LIN7C: variants seen among roughly 807,000 people sequenced by gnomAD.
The protein encoded by LIN7C is protein lin-7 homolog C.
A neutral mutation model predicts 24.7 loss-of-function variants in LIN7C; 17 were observed. The observed-to-expected ratio is 0.69, with a 90% CI of 0.47 to 1.03. The LOEUF (loss-of-function observed/expected upper bound fraction) is 1.03. LIN7C is among the 50% of genes least tolerant of loss of function. The pLI, the probability that LIN7C is intolerant of heterozygous loss-of-function variation, is 0.00. For synonymous variants in LIN7C, 90 were observed against 83.4 expected (o/e 1.08, Z -0.43); for missense variants, 204 against 239.0 (o/e 0.85, Z 0.97).
At position 27,501,940 on chromosome 11, in the gene LIN7C, CAG is replaced by C. The variant is rs1865230224; in HGVS notation, c.38-22_38-21del. On this transcript the variant is annotated intron_variant, in intron 1 of 4. Transcript: ENST00000278193. ...AAATATCTAGAGTTAAACACACACA[CAG>C]ATAATTTTCTCCAAGGGTTTTCTCA... 6.8e-7 allele frequency: 1 copy of C among 1,460,608 alleles called. No homozygotes were observed. Among genetic ancestry groups the C allele is most frequent in the Admixed American group, 1.7e-5 (1 of 58,372 alleles). 90.5% of individuals were successfully genotyped at this position (1,460,608 alleles called of 1,614,324 possible).
Position 27,494,755 on chromosome 11 carries a change from G to A in LIN7C, c.*3894C>T, listed in dbSNP as rs954617113. 1 of 152,132 alleles carries A rather than the reference G, an allele frequency of 6.6e-6. No individual in the cohort carries two copies. Among genetic ancestry groups the A allele is most frequent in the Non-Finnish European group, 1.5e-5 (1 of 68,012 alleles). 9.4% of individuals were successfully genotyped at this position (152,132 alleles called of 1,614,324 possible). Reference sequence around the variant, plus strand: ...CGAGTCAATACAAATTAGTCTCAAAGTTCTTGAAAATTAATAAGTGATTTT... The same window carrying A: ...CGAGTCAATACAAATTAGTCTCAAAATTCTTGAAAATTAATAAGTGATTTT... On this transcript the variant is annotated 3_prime_UTR_variant, in exon 5 of 5. Coordinates refer to ENST00000278193, the MANE Select transcript of LIN7C (RefSeq NM_018362.4).
chr11:27,495,982 C>G lies in LIN7C; in HGVS notation c.*2667G>C, dbSNP rs1390724446. 1.6e-5 allele frequency: 2 copies of G among 125,624 alleles called. No homozygotes were observed. The highest frequency in any genetic ancestry group is 3.6e-5 in the Non-Finnish European group (2 of 55,812). 7.8% of individuals were successfully genotyped at this position (125,624 alleles called of 1,614,324 possible). On this transcript the variant is annotated 3_prime_UTR_variant, in exon 5 of 5. Coordinates refer to ENST00000278193, the MANE Select transcript of LIN7C (RefSeq NM_018362.4). Reference sequence around the variant, plus strand: ...ATCCTGTCTCTTTTAAAACAAAAAACAAACAAACCAAAAAAAAAACAAAAA... The same window carrying G: ...ATCCTGTCTCTTTTAAAACAAAAAAGAAACAAACCAAAAAAAAAACAAAAA...
At position 27,498,744 on chromosome 11, in the gene LIN7C, C is replaced by A; in HGVS notation, c.499G>T (p.Val167Phe). 6.2e-7 allele frequency: 1 copy of A among 1,613,974 alleles called. No individual in the cohort carries two copies. Among genetic ancestry groups the A allele is most frequent in the Middle Eastern group, 1.6e-4 (1 of 6,062 alleles). Residue 167 changes from valine (V) to phenylalanine (F), a missense_variant, in exon 5 of 5, where the codon GTT becomes TTT. Transcript: ENST00000278193. Reference sequence around the variant, plus strand: ...GGTGTGTATCGTACCACTAATTTAACCTTTCCTTGTGCGGCTTTCAGCAGT... The same window carrying A: ...GGTGTGTATCGTACCACTAATTTAAACTTTCCTTGTGCGGCTTTCAGCAGT... Reference protein sequence around the residue: ...VELLKAAQGKVKLVVRYTPKV... With the variant: ...VELLKAAQGKFKLVVRYTPKV...
Position 27,498,040 on chromosome 11 carries a change from T to C in LIN7C, c.*609A>G, listed in dbSNP as rs1274188133. On this transcript the variant is annotated 3_prime_UTR_variant, in exon 5 of 5. Transcript: ENST00000278193. ...GTATAAATGAATATCCATTATATAT[T>C]ATGTTTAAGTAAAAGTGAAAAAACT... is the stretch of plus-strand genomic sequence containing the variant. 1.3e-5 allele frequency: 2 copies of C among 152,156 alleles called. No homozygotes were observed. The highest frequency in any genetic ancestry group is 2.9e-5 in the Non-Finnish European group (2 of 67,980). 9.4% of individuals were successfully genotyped at this position (152,156 alleles called of 1,614,324 possible).
In LIN7C at chr11:27,506,735, T is replaced by A. The variant is rs200268590; in HGVS notation, c.18A>T (p.Glu6Asp). The change falls in exon 1 of 5, where the codon GAA becomes GAT. Residue 6 changes from glutamate to aspartate, a missense_variant. By Grantham distance (45) the Glu-to-Asp change is conservative. Transcript: ENST00000278193. MAALGEPVRLERDICR... is the reference protein window; with the variant it reads MAALGDPVRLERDICR... ...ACTCACCTCTCTCCAGCCGCACGGG[T>A]TCCCCTAGCGCCGCCATCTTCTCCC... The A allele has an allele frequency of 1.4e-4, 226 of 1,613,906 alleles. 1 individual carries two copies. In the East Asian group the frequency reaches 5.0e-3, roughly 36 times the overall value.
At chr11:27,499,223 CTG>C in intron 4 of LIN7C, 134 bp downstream of exon 4, 2 of 658,376 alleles carry the variant, frequency 3.0e-6, no homozygotes, top group Middle Eastern at 4.1e-4. Context: ...AAAAGGATCA[CTG>C]TATTAATAGT....
At position 27,495,665 on chromosome 11, in the gene LIN7C, A is replaced by G. The variant is rs944485128; in HGVS notation, c.*2984T>C. The G allele has an allele frequency of 6.6e-6, 1 of 152,058 alleles. No homozygotes were observed. Among genetic ancestry groups the G allele is most frequent in the Non-Finnish European group, 1.5e-5 (1 of 68,024 alleles). 9.4% of individuals were successfully genotyped at this position (152,058 alleles called of 1,614,324 possible). On this transcript the variant is annotated 3_prime_UTR_variant, in exon 5 of 5. Coordinates refer to ENST00000278193, the MANE Select transcript of LIN7C (RefSeq NM_018362.4). ...CAAATAACAAACACGTATTTTTGTA[A>G]GTTTTAAAGGCAAAGGGGGCAGAAT...
In LIN7C at chr11:27,495,488, CAA is replaced by C. The variant is rs1295078618; in HGVS notation, c.*3159_*3160del. ...ACTCTGTCTCAAAAAAAAACAAAAA[CAA>C]AAAACAAAAAAAAAATTTGAATCGT... On this transcript the variant is annotated 3_prime_UTR_variant, in exon 5 of 5. Transcript: ENST00000278193. 1 of 150,248 alleles carries C rather than the reference CAA, an allele frequency of 6.7e-6. No individual in the cohort carries two copies. The highest frequency in any genetic ancestry group is 1.9e-4 in the East Asian group (1 of 5,146). 9.3% of individuals were successfully genotyped at this position (150,248 alleles called of 1,614,324 possible). A position where few individuals can be genotyped will look rare whatever the true frequency, so the allele number is the denominator to read the frequency against.
intron 1 of LIN7C, among the ~76,000 whole-genome samples, chr11:27,502,219 A>G (rs180971956): frequency 6.6e-6 from 1 of 152,332 alleles, no homozygotes; most frequent in East Asian, 1.9e-4. Context: ...ACAAAATACC[A>G]AATGTCATCG....
At position 27,506,699 on chromosome 11, in the gene LIN7C, G is replaced by A. The variant is rs375884314; in HGVS notation, c.37+17C>T. On this transcript the variant is annotated intron_variant, in intron 1 of 4. Transcript: ENST00000278193. ...CAACCCTTCCGCCCACCTCCGCCGA[G>A]CCTCGGCTGCACTCACCTCTCTCCA... is the stretch of plus-strand genomic sequence containing the variant. The A allele has an allele frequency of 5.0e-5, 80 of 1,613,628 alleles. No individual in the cohort carries two copies. The highest frequency in any genetic ancestry group is 6.6e-5 in the Non-Finnish European group (78 of 1,179,934).
At position 27,495,464 on chromosome 11, in the gene LIN7C, C is replaced by T. The variant is rs1167870965; in HGVS notation, c.*3185G>A. The stretch of plus-strand genomic sequence containing the variant: ...CGCCAGCCTGGGCAACAGAGCAAGA[C>T]TCTGTCTCAAAAAAAAACAAAAACA... On this transcript the variant is annotated 3_prime_UTR_variant, in exon 5 of 5. Transcript: ENST00000278193. 1 of 151,328 alleles carries T rather than the reference C, an allele frequency of 6.6e-6. No individual in the cohort carries two copies. Among genetic ancestry groups the T allele is most frequent in the East Asian group, 1.9e-4 (1 of 5,152 alleles). The allele number at this position is 151,328 out of a possible 1,614,324, so 9.4% of individuals were successfully genotyped here.
intron 2 of LIN7C, 71 bp downstream of exon 2, chr11:27,501,731 G>T: frequency 9.5e-7 from 1 of 1,050,706 alleles, no homozygotes; most frequent in Non-Finnish European, 1.4e-6. Flanking sequence ...AAGAAATGTT[G>T]AACCCAAATT....
At position 27,494,418 on chromosome 11, in the gene LIN7C, T is replaced by C. The variant is rs974643934; in HGVS notation, c.*4231A>G. ...CCGCTCTTGAAATAACACAAGAAAATGTTTTCTTTAAATTTTATGAAAGAC... is the reference window on the plus strand; with the variant it reads ...CCGCTCTTGAAATAACACAAGAAAACGTTTTCTTTAAATTTTATGAAAGAC... On this transcript the variant is annotated 3_prime_UTR_variant, in exon 5 of 5. Transcript: ENST00000278193. 6.6e-6 allele frequency among the ~76,000 whole-genome samples: 1 copy of C among 152,144 alleles called. No homozygotes were observed. Among genetic ancestry groups the C allele is most frequent in the South Asian group, 2.1e-4 (1 of 4,834 alleles).
chr11:27,498,454 TTTC>T lies in LIN7C; in HGVS notation c.*192_*194del. 1.9e-6 allele frequency: 1 copy of T among 531,230 alleles called. No homozygotes were observed. Among genetic ancestry groups the T allele is most frequent in the East Asian group, 3.2e-5 (1 of 31,330 alleles). 32.9% of individuals were successfully genotyped at this position (531,230 alleles called of 1,614,324 possible). On this transcript the variant is annotated 3_prime_UTR_variant, in exon 5 of 5. Coordinates refer to ENST00000278193, the MANE Select transcript of LIN7C (RefSeq NM_018362.4). Reference sequence around the variant, plus strand: ...GAATTGCCCTCATCACCTTTTACTTTTTCTTGTCAGAAAAAAGTGTATGCATCT... The same window carrying T: ...GAATTGCCCTCATCACCTTTTACTTTTTGTCAGAAAAAAGTGTATGCATCT...
At position 27,498,045 on chromosome 11, in the gene LIN7C, TTAAG is replaced by T. The variant is rs1340376971; in HGVS notation, c.*600_*603del. ...AATGAATATCCATTATATATTATGT[TTAAG>T]TAAAAGTGAAAAAACTTGCACTGTA... On this transcript the variant is annotated 3_prime_UTR_variant, in exon 5 of 5. Transcript: ENST00000278193. 2 of 152,122 alleles carry T rather than the reference TTAAG, an allele frequency of 1.3e-5. No individual in the cohort carries two copies. The highest frequency in any genetic ancestry group is 4.8e-5 in the African/African-American group (2 of 41,444). The allele number at this position is 152,122 out of a possible 1,614,324, so 9.4% of individuals were successfully genotyped here.
intron 1 of LIN7C, among the ~76,000 whole-genome samples, chr11:27,503,866 G>A (rs1300915255): frequency 6.6e-6 from 1 of 152,048 alleles, no homozygotes; most frequent in East Asian, 1.9e-4. Flanking sequence ...TGCTGAGGCT[G>A]GGGTGCAGTG....
At chr11:27,501,118 T>G (rs986451203) in intron 3 of LIN7C, among the ~76,000 whole-genome samples, 2 of 152,158 alleles carry the variant, frequency 1.3e-5, no homozygotes, top group African/African-American at 4.8e-5. Context: ...ACCTCATGCT[T>G]CCTCATCAAT....
rs1364896404 is a variant in LIN7C, at chr11:27,506,689, C to G, written c.37+27G>C. Reference sequence around the variant, plus strand: ...AGCACTCCCCCAACCCTTCCGCCCACCTCCGCCGAGCCTCGGCTGCACTCA... The same window carrying G: ...AGCACTCCCCCAACCCTTCCGCCCAGCTCCGCCGAGCCTCGGCTGCACTCA... On this transcript the variant is annotated intron_variant, in intron 1 of 4. Transcript: ENST00000278193. The G allele has an allele frequency of 1.9e-6, 3 of 1,613,486 alleles. No homozygotes were observed. The Admixed American group carries it at 5.0e-5, about 27-fold the overall frequency.
chr11:27,498,803 C>A lies in LIN7C; in HGVS notation c.440G>T (p.Ser147Ile). 1 of 1,607,894 alleles carries A rather than the reference C, an allele frequency of 6.2e-7. No individual in the cohort carries two copies. Among genetic ancestry groups the A allele is most frequent in the Non-Finnish European group, 8.5e-7 (1 of 1,178,198 alleles). Residue 147 changes from serine to isoleucine, a missense_variant and splice_region_variant, in exon 5 of 5, where the codon AGT (serine) becomes ATT (isoleucine). Transcript: ENST00000278193. ...TTTTTCATGATGTTCTCCTTCAACA[C>A]TCTAGGGGAAAAAAAAACAACCAAC... ...GDQLLSVNGVSVEGEHHEKAV... is the reference protein window; with the variant it reads ...GDQLLSVNGVIVEGEHHEKAV...
Sources: gnomAD v4.1 joint callset for allele counts (sites outside exome capture counted in the v4.1 genomes callset) on GRCh38, gnomAD v4.1.1 for gene constraint, MANE v1.5 for transcripts, NCBI Gene and HGNC (gene_info 2026-07-23, HGNC 2026-07-21) for gene names.